DNAJC12: variants seen among roughly 807,000 people sequenced by gnomAD.
The protein encoded by DNAJC12 is DnaJ heat shock protein family (Hsp40) member C12.
A neutral mutation model predicts 28.5 loss-of-function variants in DNAJC12; 25 were observed. The ratio of observed to expected loss-of-function variants is 0.88; its 90% CI spans 0.64 to 1.22. The LOEUF is 1.22. DNAJC12 is among the 50% of genes most tolerant of loss of function. The probability of loss-of-function intolerance (pLI) is 0.00; values close to 1 mark genes in which losing one functional copy is unlikely to be tolerated. For synonymous variants in DNAJC12, 77 were observed against 80.6 expected, an observed-to-expected ratio of 0.95 and a Z score of 0.24; for missense variants, 222 against 231.7, an observed-to-expected ratio of 0.96 and a Z score of 0.27.
rs371648508 is a variant in DNAJC12 at position 67,823,303 on chromosome 10, T to C, written c.157+11A>G. 8.6e-5 allele frequency: 139 copies of C among 1,612,660 alleles called. No homozygotes were observed. In the Middle Eastern group the frequency reaches 2.3e-3, roughly 27 times the overall value. The stretch of plus-strand genomic sequence containing the variant: ...CATTTTCTTGAGAAGTAGCCTTTAT[T>C]AAGTTCTTACCAGCTTTGGGGTTTT... On this transcript the variant is annotated intron_variant, in intron 2 of 4. Transcript: ENST00000225171.
At chr10:67,828,644 A>C (rs565874928) in intron 1 of DNAJC12, among the ~76,000 whole-genome samples, 1 of 144,070 alleles carries the variant, frequency 6.9e-6, no homozygotes, top group African/African-American at 2.6e-5. Context: ...TTAAAGTGTT[A>C]AATATTCTAT....
At chr10:67,829,768 T>C (rs1341662653) in intron 1 of DNAJC12, among the ~76,000 whole-genome samples, 1 of 152,240 alleles carries the variant, frequency 6.6e-6, no homozygotes, top group Non-Finnish European at 1.5e-5. Flanking sequence ...ATAGGATGTT[T>C]GTTATAGTTG....
intron 4 of DNAJC12, among the ~76,000 whole-genome samples, chr10:67,803,550 A>T (rs1841769385): frequency 6.6e-6 from 1 of 152,150 alleles, no homozygotes; most frequent in African/African-American, 2.4e-5. Context: ...CTATTTTTTT[A>T]AAAAGAAGGA....
At chr10:67,819,919 C>T (rs1247364315) in intron 2 of DNAJC12, among the ~76,000 whole-genome samples, 7 of 152,106 alleles carry the variant, frequency 4.6e-5, no homozygotes, top group African/African-American at 9.7e-5. Context: ...ACAAGCAGGG[C>T]GTCTGCCTTA....
intron 3 of DNAJC12, chr10:67,811,305 A>T: frequency 7.3e-7 from 1 of 1,374,770 alleles, no homozygotes; most frequent in Non-Finnish European, 9.4e-7. Flanking sequence ...AAGAGATTGA[A>T]AGAAATGTAG....
At chr10:67,821,962 A>C (rs1030872157) in intron 2 of DNAJC12, among the ~76,000 whole-genome samples, 5 of 152,162 alleles carry the variant, frequency 3.3e-5, no homozygotes, top group African/African-American at 1.2e-4. Flanking sequence ...ATTTCAGAGG[A>C]GGTGATAGGA....
At chr10:67,819,843 G>A (rs1564863674) in intron 2 of DNAJC12, among the ~76,000 whole-genome samples, 2 of 150,166 alleles carry the variant, frequency 1.3e-5, no homozygotes, top group Admixed American at 6.7e-5. Flanking sequence ...ACTTATTCAA[G>A]AAATTGTGCA....
intron 1 of DNAJC12, among the ~76,000 whole-genome samples, chr10:67,826,806 A>G (rs1351980510): frequency 1.5e-5 from 2 of 130,236 alleles, no homozygotes; most frequent in African/African-American, 5.8e-5. Context: ...TCAGATATAT[A>G]ATGATATATA....
intron 2 of DNAJC12, among the ~76,000 whole-genome samples, chr10:67,819,697 AG>A (rs1428980675): frequency 0.079 from 1,586 of 19,980 alleles, 361 homozygotes; most frequent in African/African-American, 0.14. Context: ...AAAGAAAGAA[AG>A]GAAGGAAGGA....
At position 67,823,446 on chromosome 10, in the gene DNAJC12, A is replaced by T. The variant is rs912471666; in HGVS notation, c.79-54T>A. 4.6e-5 allele frequency: 69 copies of T among 1,497,680 alleles called. No homozygotes were observed. In the East Asian group the frequency reaches 1.5e-3, roughly 33 times the overall value. The allele number at this position is 1,497,680 out of a possible 1,614,324, so 92.8% of individuals were successfully genotyped here. On this transcript the variant is annotated intron_variant, in intron 1 of 4. Coordinates refer to ENST00000225171, the MANE Select transcript of DNAJC12 (RefSeq NM_021800.3). The stretch of plus-strand genomic sequence containing the variant: ...AGAGTCATGCCAGGCGCAGTGACTC[A>T]CGCCTATAATCTCAACACTTTGGGA...
chr10:67,814,583 G>A (rs1841895537), intron 2 of DNAJC12, among the ~76,000 whole-genome samples: 1 of 152,112 alleles, frequency 6.6e-6, no homozygotes, highest in African/African-American at 2.4e-5. Context: ...ACAAACCATG[G>A]AATGGGAAAA....
chr10:67,811,441 T>C lies in DNAJC12; in HGVS notation c.297+83A>G. On this transcript the variant is annotated intron_variant, in intron 3 of 4. Transcript: ENST00000225171. ...TGGTTTTCTCCCTCCTATCGCCTAA[T>C]GACTCTTTAAGCTACTACATGAGTC... 3 of 1,578,686 alleles carry C rather than the reference T, an allele frequency of 1.9e-6. No homozygotes were observed. In the Admixed American group the frequency reaches 5.6e-5, roughly 29 times the overall value.
intron 3 of DNAJC12, 85 bp from the exon 4 acceptor site, chr10:67,805,872 T>G: frequency 1.8e-6 from 2 of 1,082,546 alleles, no homozygotes; most frequent in South Asian, 3.8e-5. Context: ...TGGTAACACC[T>G]GACCTACTAC....
chr10:67,816,548 T>C (rs1386923733), intron 2 of DNAJC12, among the ~76,000 whole-genome samples: 3 of 145,660 alleles, frequency 2.1e-5, no homozygotes, highest in East Asian at 3.9e-4. Flanking sequence ...ACTTTCTTTT[T>C]TTTTTTTTTT....
intron 2 of DNAJC12, among the ~76,000 whole-genome samples, chr10:67,816,887 T>A (rs1486564506): frequency 6.6e-6 from 1 of 152,052 alleles, no homozygotes; most frequent in Non-Finnish European, 1.5e-5. Context: ...GTTAATATAG[T>A]GCTAATCTGA....
intron 3 of DNAJC12, chr10:67,811,176 A>C: frequency 1.8e-6 from 1 of 542,204 alleles, no homozygotes; most frequent in Non-Finnish European, 2.4e-6. Context: ...AAAGATGGAG[A>C]ATGTGAATTT....
intron 1 of DNAJC12, among the ~76,000 whole-genome samples, chr10:67,828,674 CTA>C (rs71483912): frequency 2.0e-4 from 30 of 150,600 alleles, no homozygotes; most frequent in East Asian, 7.8e-4. Context: ...CTCTCTCTCT[CTA>C]TATATATATA....
chr10:67,823,296 C>A lies in DNAJC12; in HGVS notation c.157+18G>T, dbSNP rs1326860966. ...TACTACTCATTTTCTTGAGAAGTAG[C>A]CTTTATTAAGTTCTTACCAGCTTTG... On this transcript the variant is annotated intron_variant, in intron 2 of 4. Coordinates refer to ENST00000225171, the MANE Select transcript of DNAJC12 (RefSeq NM_021800.3). 1 of 1,609,360 alleles carries A rather than the reference C, an allele frequency of 6.2e-7. No homozygotes were observed. Among genetic ancestry groups the A allele is most frequent in the Admixed American group, 1.7e-5 (1 of 59,818 alleles).
chr10:67,829,585 G>A (rs973487050), intron 1 of DNAJC12, among the ~76,000 whole-genome samples: 1 of 152,174 alleles, frequency 6.6e-6, no homozygotes, highest in Non-Finnish European at 1.5e-5. Flanking sequence ...AGCTTGCAGT[G>A]AGCCGAGATT....
Sources: gnomAD v4.1 joint callset for allele counts (sites outside exome capture counted in the v4.1 genomes callset) on GRCh38, gnomAD v4.1.1 for gene constraint, MANE v1.5 for transcripts, NCBI Gene and HGNC (gene_info 2026-07-23, HGNC 2026-07-21) for gene names.